Variants in REEP1 observed in about 807,000 individuals in gnomAD.
The protein encoded by REEP1 is receptor expression-enhancing protein 1.
REEP1 carries 22 observed loss-of-function variants against 40.3 expected under a neutral mutation model. The observed-to-expected ratio is 0.55, with a 90% CI of 0.39 to 0.78. The LOEUF (loss-of-function observed/expected upper bound fraction) is 0.78. Ranked by LOEUF, REEP1 falls within the 30% of genes least tolerant of loss-of-function variation. REEP1 has a pLI of 0.00. For synonymous variants in REEP1, 116 were observed against 139.2 expected (o/e 0.83, Z 1.17); for missense variants, 280 against 361.1 (o/e 0.78, Z 1.82).
At chr2:86,286,614 G>C (rs561177561) in intron 1 of REEP1, among the ~76,000 whole-genome samples, 4 of 152,280 alleles carry the variant, frequency 2.6e-5, no homozygotes, top group African/African-American at 9.6e-5. Context: ...AGTGGGGGAT[G>C]GCCCCAAATG....
At chr2:86,246,231 T>G (rs1675948555) in intron 5 of REEP1, among the ~76,000 whole-genome samples, 1 of 152,214 alleles carries the variant, frequency 6.6e-6, no homozygotes, top group South Asian at 2.1e-4. Context: ...AAAGCATTGT[T>G]CTGTTTTTGT....
intron 1 of REEP1, among the ~76,000 whole-genome samples, chr2:86,314,141 G>A (rs1679885964): frequency 6.6e-6 from 1 of 152,140 alleles, no homozygotes; most frequent in Non-Finnish European, 1.5e-5. Flanking sequence ...AAATTCTCCC[G>A]GGAGCAGTGC....
intron 1 of REEP1, among the ~76,000 whole-genome samples, chr2:86,292,454 T>C (rs556324930): frequency 6.6e-6 from 1 of 152,272 alleles, no homozygotes; most frequent in Admixed American, 6.5e-5. Context: ...TACAAATAAC[T>C]GGTTATTGTC....
chr2:86,250,416 C>T (rs928088237), intron 5 of REEP1, among the ~76,000 whole-genome samples: 1 of 152,182 alleles, frequency 6.6e-6, no homozygotes, highest in Admixed American at 6.5e-5. Context: ...CAGAATTTAG[C>T]AATTCTGAGT....
At chr2:86,223,451 A>T (rs1372328388) in intron 7 of REEP1, 1 of 152,314 alleles carries the variant, frequency 6.6e-6, no homozygotes, top group African/African-American at 2.4e-5. Context: ...GAAGGCAGCA[A>T]ATGTCTGCAG....
At chr2:86,318,934 A>G (rs781667768) in intron 1 of REEP1, among the ~76,000 whole-genome samples, 5 of 152,248 alleles carry the variant, frequency 3.3e-5, no homozygotes, top group Non-Finnish European at 7.3e-5. Context: ...AAACAAAATC[A>G]AAAGTGTAAT....
intron 1 of REEP1, among the ~76,000 whole-genome samples, chr2:86,315,129 A>G (rs1253823672): frequency 2.6e-5 from 4 of 152,102 alleles, no homozygotes; most frequent in Admixed American, 6.5e-5. Flanking sequence ...AGCTCAGAGT[A>G]GCCGGGACTC....
chr2:86,308,261 G>GA (rs561406559), intron 1 of REEP1, among the ~76,000 whole-genome samples: 9 of 152,164 alleles, frequency 5.9e-5, no homozygotes, highest in Non-Finnish European at 1.2e-4. Flanking sequence ...CAGCATTACA[G>GA]AAAAAAGGGG....
At position 86,232,822 on chromosome 2, in the gene REEP1, G is replaced by A. The variant is rs762395492; in HGVS notation, c.418-20C>T. The A allele has an allele frequency of 2.4e-5, 39 of 1,597,264 alleles. No individual in the cohort carries two copies. The highest frequency in any genetic ancestry group is 3.3e-5 in the Non-Finnish European group (39 of 1,179,088). On this transcript the variant is annotated intron_variant, in intron 5 of 8. Transcript: ENST00000538924. ...CTGTCCCTGGATACAACACAGGAGGGGCACACGTCAGAGGTCCTGCTCCAC... is the reference window on the plus strand; with the variant it reads ...CTGTCCCTGGATACAACACAGGAGGAGCACACGTCAGAGGTCCTGCTCCAC...
In REEP1 at chr2:86,214,627, G is replaced by A. The variant is rs2103927622; in HGVS notation, c.*2412C>T. ...TTACAGGCTTTCACATTTTATGTCA[G>A]TTCATACACAAATGTACAACTTGTC... On this transcript the variant is annotated 3_prime_UTR_variant, in exon 9 of 9. Coordinates refer to ENST00000538924, the MANE Select transcript of REEP1 (RefSeq NM_001371279.1). The A allele has an allele frequency of 6.5e-6, 1 of 152,690 alleles. No homozygotes were observed. The highest frequency in any genetic ancestry group is 1.5e-5 in the Non-Finnish European group (1 of 68,016). The allele number at this position is 152,690 out of a possible 1,614,324, so 9.5% of individuals were successfully genotyped here. A position where few individuals can be genotyped will look rare whatever the true frequency, so the allele number is the denominator to read the frequency against.
intron 1 of REEP1, among the ~76,000 whole-genome samples, chr2:86,321,465 T>C (rs531057265): frequency 1.4e-3 from 206 of 152,304 alleles, no homozygotes; most frequent in African/African-American, 4.9e-3. Context: ...CCCAGCTTAG[T>C]TTATGAGGCT....
intron 5 of REEP1, among the ~76,000 whole-genome samples, chr2:86,237,111 A>AT (rs1675403303): frequency 6.6e-6 from 1 of 152,178 alleles, no homozygotes; most frequent in South Asian, 2.1e-4. Flanking sequence ...CCCTGACATC[A>AT]TTGTCAACGC....
chr2:86,264,154 G>A (rs1677022143), intron 2 of REEP1, 113 bp from the exon 3 acceptor site: 1 of 778,874 alleles, frequency 1.3e-6, no homozygotes, highest in Non-Finnish European at 2.3e-6. Context: ...AGGTGGTGCA[G>A]CCTGCATTTG....
At chr2:86,296,914 C>T (rs908168184) in intron 1 of REEP1, among the ~76,000 whole-genome samples, 1 of 152,202 alleles carries the variant, frequency 6.6e-6, no homozygotes, top group Admixed American at 6.5e-5. Flanking sequence ...AAGCCTCATG[C>T]AAATTGTAAC....
intron 3 of REEP1, among the ~76,000 whole-genome samples, chr2:86,256,835 T>C (rs567637651): frequency 3.3e-5 from 5 of 152,226 alleles, no homozygotes; most frequent in Non-Finnish European, 7.3e-5. Flanking sequence ...GACAGTCACC[T>C]GTCCTAGTCT....
chr2:86,273,709 C>G (rs924332222), intron 2 of REEP1, among the ~76,000 whole-genome samples: 5 of 152,156 alleles, frequency 3.3e-5, no homozygotes, highest in African/African-American at 4.8e-5. Flanking sequence ...GATTTCAGCC[C>G]TCAGATCTCA....
intron 1 of REEP1, among the ~76,000 whole-genome samples, chr2:86,334,412 T>C (rs556086868): frequency 1.3e-5 from 2 of 152,100 alleles, no homozygotes; most frequent in African/African-American, 2.4e-5. Context: ...GATAAAACCA[T>C]AGGATGCTCC....
At chr2:86,270,297 A>C (rs1213195874) in intron 2 of REEP1, among the ~76,000 whole-genome samples, 3 of 152,142 alleles carry the variant, frequency 2.0e-5, no homozygotes, top group African/African-American at 7.2e-5. Flanking sequence ...CCCAGGCTCA[A>C]GTGATTCTCC....
intron 1 of REEP1, among the ~76,000 whole-genome samples, chr2:86,302,297 C>T (rs1294607865): frequency 6.6e-6 from 1 of 152,224 alleles, no homozygotes; most frequent in African/African-American, 2.4e-5. Flanking sequence ...AACCTGGCTC[C>T]TATCACAAGA....
Sources: gnomAD v4.1 joint callset for allele counts (sites outside exome capture counted in the v4.1 genomes callset) on GRCh38, gnomAD v4.1.1 for gene constraint, MANE v1.5 for transcripts, NCBI Gene and HGNC (gene_info 2026-07-23, HGNC 2026-07-21) for gene names.